KIF15: variants seen among roughly 807,000 people sequenced by gnomAD.
KIF15 encodes kinesin family member 15, also known as kinesin-like protein KIF15.
Under a neutral mutation model 190.6 loss-of-function variants are expected in KIF15, and 140 were observed. The observed-to-expected ratio is 0.73, with a 90% CI of 0.64 to 0.84. KIF15 has a LOEUF of 0.84. Among genes scored for constraint, KIF15 ranks in the 40% least tolerant of loss-of-function variants. The pLI, the probability that KIF15 is intolerant of heterozygous loss-of-function variation, is 0.00. For missense variants in KIF15, 1,372 were observed against 1,584.4 expected (o/e 0.87, Z 2.28); for synonymous variants, 528 against 551.3 (o/e 0.96, Z 0.59).
chr3:44,852,307 C>T lies in KIF15; in HGVS notation c.4072C>T (p.Arg1358Ter), dbSNP rs371580083. The T allele has an allele frequency of 6.8e-6, 11 of 1,610,272 alleles. No homozygotes were observed. Among genetic ancestry groups the T allele is most frequent in the East Asian group, 2.2e-5 (1 of 44,824 alleles). Residue 1358 changes from arginine to a stop codon, truncating the protein, a stop_gained, in exon 34 of 35, where the codon CGA (arginine) becomes TGA (stop). Coordinates refer to ENST00000326047, the MANE Select transcript of KIF15 (RefSeq NM_020242.3). LOFTEE classifies it high-confidence loss of function. ...GCATCAGAAGATTCAGTACGTAGTG[C>T]GACTAAAGAAGGAAAATGTCAGGCT... Reference protein sequence around the residue: ...NLHQKIQYVVRLKKENVRLAE... With the variant: ...NLHQKIQYVV
intron 19 of KIF15, among the ~76,000 whole-genome samples, chr3:44,813,633 T>TG (rs1707900755): frequency 6.7e-6 from 1 of 150,270 alleles, no homozygotes; most frequent in Non-Finnish European, 1.5e-5. Flanking sequence ...TTGTTTTGTT[T>TG]TTTTTTTTTT....
chr3:44,848,078 A>G, intron 31 of KIF15, 21 bp downstream of exon 31: 2 of 1,436,886 alleles, frequency 1.4e-6, no homozygotes, highest in Non-Finnish European at 9.8e-7. Flanking sequence ...TTTTTATGTA[A>G]TAGTTTCTTC....
At chr3:44,865,261 G>A (rs1559603260) in intron 6 of KIF15, 23 of 1,574,830 alleles carry the variant, frequency 1.5e-5, no homozygotes, top group South Asian at 1.1e-5. Flanking sequence ...TGTATCCTAG[G>A]GCGATCCAGT....
chr3:44,849,475 T>A (rs967494967), intron 32 of KIF15, among the ~76,000 whole-genome samples: 3 of 152,140 alleles, frequency 2.0e-5, no homozygotes, highest in Non-Finnish European at 2.9e-5. Flanking sequence ...AAATTTTTTT[T>A]AAATAAATTT....
intron 30 of KIF15, among the ~76,000 whole-genome samples, chr3:44,845,988 C>T (rs1035018328): frequency 1.3e-5 from 2 of 152,196 alleles, no homozygotes; most frequent in African/African-American, 4.8e-5. Context: ...ATTAATGGCC[C>T]GTCATAGCTT....
rs1305282637 is a variant in KIF15 at position 44,851,985 on chromosome 3, TAGAACAC to T, written c.3972+34_3972+40del. 1.9e-6 allele frequency: 3 copies of T among 1,591,238 alleles called. No homozygotes were observed. The South Asian group carries it at 3.4e-5, about 18-fold the overall frequency. On this transcript the variant is annotated intron_variant, in intron 33 of 34. Transcript: ENST00000326047. The stretch of plus-strand genomic sequence containing the variant: ...AGTGTGTTGGTGTTTTCATGATACT[TAGAACAC>T]TCAAATGAATAGAACTAATTAGCGT...
intron 26 of KIF15, among the ~76,000 whole-genome samples, chr3:44,834,035 G>C (rs1698193893): frequency 6.6e-6 from 1 of 152,024 alleles, no homozygotes; most frequent in African/African-American, 2.4e-5. Context: ...TTCCTTCCTT[G>C]CTTTCTCTCT....
At chr3:44,787,118 T>C (rs1401505457) in intron 7 of KIF15, among the ~76,000 whole-genome samples, 1 of 152,222 alleles carries the variant, frequency 6.6e-6, no homozygotes, top group Non-Finnish European at 1.5e-5. Flanking sequence ...CCAAGCATAA[T>C]GTTAAAGTGA....
intron 1 of KIF15, among the ~76,000 whole-genome samples, chr3:44,766,380 A>T (rs1489111494): frequency 6.6e-6 from 1 of 152,180 alleles, no homozygotes; most frequent in Non-Finnish European, 1.5e-5. Flanking sequence ...TTCCTTGTGC[A>T]GAACCACTGC....
rs536427730 is a variant in KIF15, at chr3:44,794,719, T to C, written c.849+293T>C. On this transcript the variant is annotated intron_variant, in intron 8 of 34. Transcript: ENST00000326047. ...GCTCACACCTGTAATCCCAGCACTT[T>C]GGGAAGCTGAGGCAGGTAGATCACG... Among the ~76,000 whole-genome samples, 8 of 152,242 alleles carry C rather than the reference T, an allele frequency of 5.3e-5. No homozygotes were observed. The South Asian group carries it at 1.2e-3, about 24-fold the overall frequency.
intron 29 of KIF15, among the ~76,000 whole-genome samples, chr3:44,842,247 A>AT (rs1350402012): frequency 6.6e-6 from 1 of 151,630 alleles, no homozygotes; most frequent in Non-Finnish European, 1.5e-5. Flanking sequence ...CTTGTTTTCC[A>AT]TTTTTTTAAG....
intron 7 of KIF15, among the ~76,000 whole-genome samples, chr3:44,790,478 G>T (rs1397208478): frequency 6.6e-6 from 1 of 152,128 alleles, no homozygotes; most frequent in African/African-American, 2.4e-5. Flanking sequence ...AAGTGAAATG[G>T]AGGACCTGCT....
intron 1 of KIF15, among the ~76,000 whole-genome samples, chr3:44,773,640 G>C (rs1247012757): frequency 2.0e-5 from 3 of 152,240 alleles, no homozygotes; most frequent in Non-Finnish European, 4.4e-5. Flanking sequence ...AGAGCGATGA[G>C]GGGTAGAAGG....
rs144127183 is a variant in KIF15 at position 44,777,542 on chromosome 3, T to A, written c.247-573T>A. On this transcript the variant is annotated intron_variant, in intron 3 of 34. Coordinates refer to ENST00000326047, the MANE Select transcript of KIF15 (RefSeq NM_020242.3). ...CCCCGTTTCTACTAAAAATAAAAAA[T>A]TAGCCAGGCATGGTGGTGTGCACCT... Among the ~76,000 whole-genome samples the A allele has an allele frequency of 8.0e-4, 122 of 152,100 alleles. 1 individual carries two copies. In the East Asian group the frequency reaches 0.023, roughly 29 times the overall value.
chr3:44,829,792 G>A, intron 24 of KIF15, among the ~76,000 whole-genome samples, 179 bp from the exon 25 acceptor site: 2 of 140,230 alleles, frequency 1.4e-5, no homozygotes. Flanking sequence ...TATAATATAT[G>A]CATATATAAT....
intron 7 of KIF15, among the ~76,000 whole-genome samples, chr3:44,791,683 T>A (rs138505026): frequency 8.5e-4 from 130 of 152,332 alleles, no homozygotes; most frequent in African/African-American, 3.0e-3. Flanking sequence ...CCCCTTATGT[T>A]ACACAAGTGA....
chr3:44,794,931 C>T (rs867661358), intron 8 of KIF15, among the ~76,000 whole-genome samples: 5 of 152,164 alleles, frequency 3.3e-5, no homozygotes, highest in East Asian at 3.9e-4. Context: ...CACTGCACGC[C>T]AGTCTGGGTG....
intron 2 of KIF15, among the ~76,000 whole-genome samples, chr3:44,774,670 G>A (rs573093361): frequency 3.3e-5 from 5 of 152,272 alleles, no homozygotes; most frequent in African/African-American, 9.6e-5. Flanking sequence ...GCTAGTAAGA[G>A]GGAAATGAGA....
intron 6 of KIF15, among the ~76,000 whole-genome samples, chr3:44,866,472 G>A (rs190142187): frequency 1.2e-4 from 19 of 152,114 alleles, no homozygotes; most frequent in East Asian, 5.8e-4. Flanking sequence ...CCTGAAGCCC[G>A]GCACTTACCT....
Sources: allele counts gnomAD v4.1 joint callset (sites outside exome capture counted in the v4.1 genomes callset), GRCh38; gene constraint gnomAD v4.1.1; transcripts MANE v1.5; gene names NCBI Gene and HGNC (gene_info 2026-07-23, HGNC 2026-07-21).